GALNT13: variants seen among roughly 807,000 people sequenced by gnomAD.
The protein encoded by GALNT13 is UDP-GalNAc:polypeptide N-acetylgalactosaminyltransferase 13.
GALNT13 carries 28 observed loss-of-function variants against 64.2 expected under a neutral mutation model. That is an observed-to-expected ratio of 0.44 (90% confidence interval 0.32 to 0.60). GALNT13 has a LOEUF of 0.60. Among genes scored for constraint, GALNT13 ranks in the 20% least tolerant of loss-of-function variants. The probability of loss-of-function intolerance (pLI) is 0.05; values close to 1 mark genes in which losing one functional copy is unlikely to be tolerated. For synonymous variants in GALNT13, 214 were observed against 224.6 expected (o/e 0.95, Z 0.42); for missense variants, 577 against 669.8 (o/e 0.86, Z 1.53).
intron 8 of GALNT13, among the ~76,000 whole-genome samples, chr2:154,264,484 A>T (rs1444243420): frequency 6.7e-6 from 1 of 148,668 alleles, no homozygotes; most frequent in Non-Finnish European, 1.5e-5. Flanking sequence ...AAAAAAAAAA[A>T]AAATTAGCTG....
chr2:153,632,903 C>T, the GALNT13 span, among the ~76,000 whole-genome samples: 1 of 152,030 alleles, frequency 6.6e-6, no homozygotes, highest in Non-Finnish European at 1.5e-5. Flanking sequence ...CAGGCACACA[C>T]CAATACGCCC....
At chr2:154,133,850 G>A (rs1271831686) in intron 3 of GALNT13, among the ~76,000 whole-genome samples, 1 of 151,852 alleles carries the variant, frequency 6.6e-6, no homozygotes, top group Non-Finnish European at 1.5e-5. Context: ...AATTCTAATG[G>A]TTTAGCAAAA....
the GALNT13 span, among the ~76,000 whole-genome samples, chr2:153,209,974 G>GA: frequency 6.6e-6 from 1 of 151,814 alleles, no homozygotes; most frequent in Non-Finnish European, 1.5e-5. Context: ...TTTGTTTTTA[G>GA]TATATAATTA....
chr2:153,428,115 A>T, the GALNT13 span, among the ~76,000 whole-genome samples: 2 of 152,204 alleles, frequency 1.3e-5, no homozygotes, highest in East Asian at 3.8e-4. Flanking sequence ...AACTGAAACC[A>T]GGTAGCATGA....
chr2:154,139,637 C>CAG (rs1683147811), intron 3 of GALNT13, among the ~76,000 whole-genome samples: 1 of 151,774 alleles, frequency 6.6e-6, no homozygotes, highest in Non-Finnish European at 1.5e-5. Flanking sequence ...CACACACACA[C>CAG]ACACACACAC....
the GALNT13 span, among the ~76,000 whole-genome samples, chr2:153,845,213 T>A: frequency 6.6e-6 from 1 of 152,276 alleles, no homozygotes; most frequent in African/African-American, 2.4e-5. Flanking sequence ...AAGAAATACA[T>A]AAAGAAATAC....
chr2:153,211,957 T>C, the GALNT13 span, among the ~76,000 whole-genome samples: 1 of 152,172 alleles, frequency 6.6e-6, no homozygotes, highest in Non-Finnish European at 1.5e-5. Context: ...TGATTCCCCT[T>C]TTTTAAAAAT....
intron 3 of GALNT13, among the ~76,000 whole-genome samples, chr2:154,061,052 A>T (rs992012118): frequency 6.7e-4 from 102 of 152,266 alleles, no homozygotes; most frequent in African/African-American, 2.4e-3. Context: ...TATATATATA[A>T]AGTTTTTATT....
chr2:153,993,477 C>T (rs1004984501), intron 3 of GALNT13, among the ~76,000 whole-genome samples: 7 of 151,774 alleles, frequency 4.6e-5, no homozygotes, highest in Admixed American at 2.0e-4. Context: ...GGGCAGATCA[C>T]GAGGTCAGGA....
the GALNT13 span, among the ~76,000 whole-genome samples, chr2:153,706,759 C>A: frequency 7.9e-5 from 12 of 152,126 alleles, no homozygotes; most frequent in African/African-American, 2.9e-4. Context: ...CTTCCCAATA[C>A]GGCATAGTGG....
the GALNT13 span, among the ~76,000 whole-genome samples, chr2:153,259,299 T>A: frequency 7.6e-5 from 10 of 131,654 alleles, no homozygotes; most frequent in Non-Finnish European, 1.2e-4. Context: ...TCTTTTATTT[T>A]CATTTTATGT....
chr2:154,152,416 A>C (rs1366885436), intron 4 of GALNT13, among the ~76,000 whole-genome samples: 2 of 152,028 alleles, frequency 1.3e-5, no homozygotes, highest in Non-Finnish European at 2.9e-5. Flanking sequence ...GTCTTGGAGT[A>C]GCTCTTCTTG....
chr2:153,671,034 A>G, the GALNT13 span, among the ~76,000 whole-genome samples: 2 of 152,234 alleles, frequency 1.3e-5, no homozygotes, highest in Non-Finnish European at 2.9e-5. Context: ...AAAGCCTCCA[A>G]GAAATATGGG....
At chr2:153,333,703 C>A in the GALNT13 span, among the ~76,000 whole-genome samples, 12 of 152,164 alleles carry the variant, frequency 7.9e-5, no homozygotes, top group Non-Finnish European at 1.3e-4. Flanking sequence ...AACATTATAA[C>A]CAAGCTTAAG....
intron 4 of GALNT13, among the ~76,000 whole-genome samples, chr2:154,198,491 A>G (rs1229402715): frequency 6.6e-6 from 1 of 151,988 alleles, no homozygotes; most frequent in Non-Finnish European, 1.5e-5. Context: ...TGTGTTTTCA[A>G]TAGTTAAAGT....
chr2:153,815,750 CATA>C, the GALNT13 span, among the ~76,000 whole-genome samples: 1 of 152,016 alleles, frequency 6.6e-6, no homozygotes, highest in South Asian at 2.1e-4. Context: ...AGTCATTTGT[CATA>C]ATATCTTGAG....
chr2:153,233,486 TAA>T, the GALNT13 span, among the ~76,000 whole-genome samples: 22 of 150,466 alleles, frequency 1.5e-4, no homozygotes, highest in Middle Eastern at 3.5e-3. Flanking sequence ...ACCTTATTTT[TAA>T]AAAAAAAAAC....
chr2:153,201,413 C>T, the GALNT13 span, among the ~76,000 whole-genome samples: 4 of 152,192 alleles, frequency 2.6e-5, no homozygotes, highest in African/African-American at 9.7e-5. Context: ...ATCCTAATTC[C>T]TTCCCTCCCT....
At chr2:153,777,588 C>A in the GALNT13 span, among the ~76,000 whole-genome samples, 2 of 152,194 alleles carry the variant, frequency 1.3e-5, no homozygotes, top group East Asian at 3.9e-4. Context: ...CTTCTACTCA[C>A]ATTTTATTGG....
Sources: allele counts gnomAD v4.1 joint callset (sites outside exome capture counted in the v4.1 genomes callset), GRCh38; gene constraint gnomAD v4.1.1; transcripts MANE v1.5; gene names NCBI Gene and HGNC (gene_info 2026-07-23, HGNC 2026-07-21).